Variants in ALDH1A2 observed in about 807,000 individuals in gnomAD.
ALDH1A2 encodes aldehyde dehydrogenase 1 family member A2.
A neutral mutation model predicts 60.3 loss-of-function variants in ALDH1A2; 27 were observed. That is an observed-to-expected ratio of 0.45 (90% CI 0.33 to 0.62). The LOEUF (loss-of-function observed/expected upper bound fraction) is 0.62, where lower values mean the gene tolerates loss of function less well. Ranked by LOEUF, ALDH1A2 falls within the 20% of genes least tolerant of loss-of-function variation. The pLI, the probability that ALDH1A2 is intolerant of heterozygous loss-of-function variation, is 0.02. For missense variants in ALDH1A2, 581 were observed against 643.8 expected (o/e 0.90, Z 1.06); for synonymous variants, 289 against 232.4 (o/e 1.24, Z -2.21).
intron 4 of ALDH1A2, among the ~76,000 whole-genome samples, chr15:58,002,355 A>G (rs949431730): frequency 5.9e-5 from 9 of 151,926 alleles, no homozygotes; most frequent in Non-Finnish European, 1.2e-4. Flanking sequence ...ATGGGGCCTT[A>G]TCAAACTACA....
At chr15:57,989,333 T>C (rs987611057) in intron 7 of ALDH1A2, among the ~76,000 whole-genome samples, 2 of 152,244 alleles carry the variant, frequency 1.3e-5, no homozygotes, top group African/African-American at 4.8e-5. Context: ...ATGGTAAAGA[T>C]AGCATTTTTC....
chr15:58,037,966 A>G (rs1359296696), intron 1 of ALDH1A2, among the ~76,000 whole-genome samples: 2 of 151,692 alleles, frequency 1.3e-5, no homozygotes, highest in African/African-American at 4.8e-5. Flanking sequence ...TCTCTGTCCA[A>G]GTTTGCTAAC....
intron 7 of ALDH1A2, among the ~76,000 whole-genome samples, chr15:57,969,116 T>A (rs1355420760): frequency 6.6e-6 from 1 of 152,216 alleles, no homozygotes; most frequent in Non-Finnish European, 1.5e-5. Flanking sequence ...ACCACTTCCA[T>A]CTGGAGTGGC....
chr15:58,034,304 G>C (rs1034169418), intron 1 of ALDH1A2, among the ~76,000 whole-genome samples: 6 of 151,550 alleles, frequency 4.0e-5, no homozygotes, highest in African/African-American at 1.5e-4. Context: ...AATGACTTTT[G>C]TAGATTAACA....
intron 7 of ALDH1A2, 74 bp downstream of exon 7, chr15:57,992,631 A>T: frequency 7.4e-7 from 1 of 1,343,896 alleles, no homozygotes. Flanking sequence ...TATGGGTACT[A>T]GTTTTATTGT....
chr15:58,007,574 C>G (rs568354947), intron 4 of ALDH1A2, among the ~76,000 whole-genome samples: 1 of 152,062 alleles, frequency 6.6e-6, no homozygotes, highest in South Asian at 2.1e-4. Context: ...GGGTAAAATA[C>G]CATTTAAAAT....
At position 58,026,054 on chromosome 15, in the gene ALDH1A2, G is replaced by T. The variant is rs372180364; in HGVS notation, c.118-11773C>A. Reference sequence around the variant, plus strand: ...GACATACATCCAAACCATATCAAGGGAATTCTCTCTAAATCATTCTATAAG... The same window carrying T: ...GACATACATCCAAACCATATCAAGGTAATTCTCTCTAAATCATTCTATAAG... On this transcript the variant is annotated intron_variant, in intron 1 of 12. Transcript: ENST00000249750. 5.3e-5 allele frequency among the ~76,000 whole-genome samples: 8 copies of T among 152,174 alleles called. No homozygotes were observed. The East Asian group carries it at 1.5e-3, about 29-fold the overall frequency.
At chr15:58,044,954 A>G (rs1896601676) in intron 1 of ALDH1A2, among the ~76,000 whole-genome samples, 1 of 151,842 alleles carries the variant, frequency 6.6e-6, no homozygotes, top group African/African-American at 2.4e-5. Context: ...CCAGACTGAA[A>G]AAGAAAAGCA....
intron 7 of ALDH1A2, among the ~76,000 whole-genome samples, chr15:57,969,699 G>A (rs956716935): frequency 6.6e-6 from 1 of 152,182 alleles, no homozygotes; most frequent in African/African-American, 2.4e-5. Flanking sequence ...TAAACATACA[G>A]TTTGAGAAAT....
chr15:58,032,789 AACACACAC>A (rs59226967), intron 1 of ALDH1A2, among the ~76,000 whole-genome samples: 3 of 149,292 alleles, frequency 2.0e-5, no homozygotes, highest in South Asian at 2.1e-4. Flanking sequence ...AGTGCCCCTC[AACACACAC>A]ACACACACAC....
rs774853794 is a variant in ALDH1A2 at position 57,963,990 on chromosome 15, G to A, written c.981C>T (p.Phe327=). The A allele has an allele frequency of 5.0e-6, 8 of 1,614,030 alleles. No individual in the cohort carries two copies. The highest frequency in any genetic ancestry group is 1.7e-5 in the Admixed American group (1 of 60,008). Residue 327 remains phenylalanine (F), a synonymous_variant, in exon 9 of 13, where the codon TTC becomes TTT. Transcript: ENST00000249750. ...ACTCCTCATAGATGGACTCCTCCACGAAGATGCGAGAGCCTGCAGTGCAGC... is the reference window on the plus strand; with the variant it reads ...ACTCCTCATAGATGGACTCCTCCACAAAGATGCGAGAGCCTGCAGTGCAGC... ...GQCCTAGSRI[F]VEESIYEEFV... is the part of the protein sequence containing the mutation.
At chr15:57,979,508 C>T (rs1894404119) in intron 7 of ALDH1A2, among the ~76,000 whole-genome samples, 1 of 152,116 alleles carries the variant, frequency 6.6e-6, no homozygotes, top group Non-Finnish European at 1.5e-5. Flanking sequence ...ATGGCCTTGA[C>T]CCCTTCTCCT....
chr15:58,051,294 G>A (rs1896772876), intron 1 of ALDH1A2, among the ~76,000 whole-genome samples: 1 of 151,958 alleles, frequency 6.6e-6, no homozygotes, highest in Admixed American at 6.6e-5. Context: ...AATTTATAGA[G>A]TTCATTTTAA....
At chr15:57,974,808 G>A (rs1306544589) in intron 7 of ALDH1A2, among the ~76,000 whole-genome samples, 1 of 152,114 alleles carries the variant, frequency 6.6e-6, no homozygotes, top group Admixed American at 6.5e-5. Context: ...AGAGACACTG[G>A]GAGAAATTAT....
At chr15:58,049,347 C>A (rs1304316782) in intron 1 of ALDH1A2, among the ~76,000 whole-genome samples, 1 of 152,036 alleles carries the variant, frequency 6.6e-6, no homozygotes, top group Admixed American at 6.6e-5. Context: ...CTTTCTGTGG[C>A]TCAATTTTCT....
chr15:58,027,340 G>A (rs748806395), intron 1 of ALDH1A2, among the ~76,000 whole-genome samples: 1 of 152,090 alleles, frequency 6.6e-6, no homozygotes, highest in Non-Finnish European at 1.5e-5. Flanking sequence ...GAAAGGAATA[G>A]CATCAACATC....
At chr15:57,980,264 G>C (rs191574587) in intron 7 of ALDH1A2, 1 of 355,828 alleles carries the variant, frequency 2.8e-6, no homozygotes, top group African/African-American at 2.1e-5. Flanking sequence ...GACCTTCCCT[G>C]CTAGGGCAAA....
chr15:58,010,146 C>T (rs1346007722), intron 4 of ALDH1A2, among the ~76,000 whole-genome samples: 6 of 152,006 alleles, frequency 3.9e-5, no homozygotes, highest in Admixed American at 3.9e-4. Flanking sequence ...TAATTCACGG[C>T]CGTTCGAGAA....
At chr15:57,980,045 T>TG (rs1169742503) in intron 7 of ALDH1A2, 66 of 325,236 alleles carry the variant, frequency 2.0e-4, no homozygotes, top group South Asian at 7.1e-4. Flanking sequence ...GAGTGGTCCA[T>TG]GGGGGGGCAG....
Sources: allele counts gnomAD v4.1 joint callset (sites outside exome capture counted in the v4.1 genomes callset), GRCh38; gene constraint gnomAD v4.1.1; transcripts MANE v1.5; gene names NCBI Gene and HGNC (gene_info 2026-07-23, HGNC 2026-07-21).